The following POLM variants were observed in gnomAD, a reference collection of about 807,000 sequenced individuals.
POLM encodes DNA polymerase mu.
A neutral mutation model predicts 56.7 loss-of-function variants in POLM; 52 were observed. The observed-to-expected ratio is 0.92, with a 90% CI of 0.73 to 1.15. The LOEUF (loss-of-function observed/expected upper bound fraction) is 1.15. Ranked by LOEUF, POLM falls within the 50% of genes most tolerant of loss-of-function variation. The probability of loss-of-function intolerance (pLI) is 0.00; values close to 1 mark genes in which losing one functional copy is unlikely to be tolerated. For synonymous variants in POLM, 273 were observed against 274.3 expected (o/e 1.00, Z 0.05); for missense variants, 660 against 663.6 (o/e 0.99, Z 0.06).
At chr7:44,081,605 C>T (rs545356790) in intron 1 of POLM, among the ~76,000 whole-genome samples, 22 of 152,308 alleles carry the variant, frequency 1.4e-4, no homozygotes, top group African/African-American at 5.1e-4. Context: ...TCTTGGTTCC[C>T]TTCCTACAAG....
At position 44,079,591 on chromosome 7, in the gene POLM, G is replaced by A. The variant is rs2096193633; in HGVS notation, c.622C>T (p.His208Tyr). 2 of 1,613,432 alleles carry A rather than the reference G, an allele frequency of 1.2e-6. No individual in the cohort carries two copies. Among genetic ancestry groups the A allele is most frequent in the Admixed American group, 1.7e-5 (1 of 59,982 alleles). ...QLQGLPHFGE[H>Y]SSRVVQELLE... ...CCTACCTGGACAACCCTAGAGGAGT[G>A]TTCTCCAAAGTGGGGAAGCCCCTGC... The change falls in exon 4 of 11, where the codon CAC (histidine) becomes TAC (tyrosine). Residue 208 changes from histidine (H) to tyrosine (Y), a missense_variant. By Grantham distance (83) the His-to-Tyr change is moderately conservative. Transcript: ENST00000242248.
At chr7:44,078,649 C>T in intron 5 of POLM, 91 bp downstream of exon 5, 1 of 1,197,554 alleles carries the variant, frequency 8.4e-7, no homozygotes, top group South Asian at 1.2e-5. Flanking sequence ...GGTCAGCTGC[C>T]CCTGTTTGCC....
chr7:44,076,368 G>T, intron 6 of POLM, 141 bp downstream of exon 6: 3 of 995,270 alleles, frequency 3.0e-6, no homozygotes, highest in Non-Finnish European at 4.4e-6. Flanking sequence ...GCACTGGGTG[G>T]AGACCCCAGG....
At chr7:44,078,481 C>T in intron 5 of POLM, 1 of 501,710 alleles carries the variant, frequency 2.0e-6, no homozygotes. Context: ...CAAAATAAAA[C>T]AAAAAGCCCC....
chr7:44,079,529 C>T, intron 4 of POLM, 42 bp downstream of exon 4: 3 of 1,392,044 alleles, frequency 2.2e-6, no homozygotes, highest in East Asian at 4.9e-5. Context: ...CCCAAGGCCT[C>T]CCCACCCACC....
chr7:44,077,344 C>T (rs2096186602), intron 5 of POLM, among the ~76,000 whole-genome samples: 1 of 152,218 alleles, frequency 6.6e-6, no homozygotes, highest in South Asian at 2.1e-4. Flanking sequence ...CTGGTGATAC[C>T]CAGGTCGCTG....
intron 6 of POLM, chr7:44,075,867 T>G (rs981215289): frequency 6.6e-6 from 1 of 152,116 alleles, no homozygotes; most frequent in Non-Finnish European, 1.5e-5. Context: ...GCCTCATGAG[T>G]AGCTGGTACT....
chr7:44,081,935 C>G (rs1355515016), intron 1 of POLM, among the ~76,000 whole-genome samples: 1 of 151,888 alleles, frequency 6.6e-6, no homozygotes, highest in Non-Finnish European at 1.5e-5. Context: ...TTAGTAGAGA[C>G]GGGGTTTCAC....
chr7:44,073,176 TGGC>T lies in POLM; in HGVS notation c.*112_*114del. ...ATTGACCTCCGGAAGAGCCAGGCCTTGGCGGGGAGGGGTGAAGGTGGGGGTCAG... is the reference window on the plus strand; with the variant it reads ...ATTGACCTCCGGAAGAGCCAGGCCTTGGGGAGGGGTGAAGGTGGGGGTCAG... On this transcript the variant is annotated 3_prime_UTR_variant, in exon 11 of 11. Transcript: ENST00000242248. 6.4e-7 allele frequency: 1 copy of T among 1,573,680 alleles called. No homozygotes were observed. Among genetic ancestry groups the T allele is most frequent in the South Asian group, 1.2e-5 (1 of 86,662 alleles).
chr7:44,082,142 G>A, intron 1 of POLM, 109 bp downstream of exon 1: 1 of 907,092 alleles, frequency 1.1e-6, no homozygotes, highest in Non-Finnish European at 1.6e-6. Context: ...TACAGAAGAG[G>A]AGATGGAGGC....
chr7:44,073,028 G>T lies in POLM; in HGVS notation c.*263C>A. 1 of 1,292,132 alleles carries T rather than the reference G, an allele frequency of 7.7e-7. No individual in the cohort carries two copies. Among genetic ancestry groups the T allele is most frequent in the Non-Finnish European group, 1.0e-6 (1 of 973,220 alleles). The allele number at this position is 1,292,132 out of a possible 1,614,324, so 80.0% of individuals were successfully genotyped here. A position where few individuals can be genotyped will look rare whatever the true frequency, so the allele number is the denominator to read the frequency against. On this transcript the variant is annotated 3_prime_UTR_variant, in exon 11 of 11. Coordinates refer to ENST00000242248, the MANE Select transcript of POLM (RefSeq NM_013284.4). ...CTCACATCCCATCCAGGGCAGGAAC[G>T]TGAGCCATGGGGAGGCTAAGAGCAG...
At position 44,076,495 on chromosome 7, in the gene POLM, T is replaced by C. The variant is rs1367765625; in HGVS notation, c.835+14A>G. 6.2e-7 allele frequency: 1 copy of C among 1,613,458 alleles called. No homozygotes were observed. Among genetic ancestry groups the C allele is most frequent in the East Asian group, 2.2e-5 (1 of 44,838 alleles). Reference sequence around the variant, plus strand: ...TTAGGGAAGCCCAGGGCCCAGCCTCTCTGGAGGGCTCACCCGCTTTCTGCT... The same window carrying C: ...TTAGGGAAGCCCAGGGCCCAGCCTCCCTGGAGGGCTCACCCGCTTTCTGCT... On this transcript the variant is annotated intron_variant, in intron 6 of 10. Coordinates refer to ENST00000242248, the MANE Select transcript of POLM (RefSeq NM_013284.4).
At chr7:44,081,007 C>A in intron 1 of POLM, 91 bp from the exon 2 acceptor site, 1 of 1,102,288 alleles carries the variant, frequency 9.1e-7, no homozygotes. Flanking sequence ...GTCCCTTCTG[C>A]ATGGTAAGTG....
In POLM at chr7:44,081,744, C is replaced by CTTT. The variant is rs1183469734; in HGVS notation, c.188+504_188+506dup. 9.6e-3 allele frequency among the ~76,000 whole-genome samples: 1,205 copies of CTTT among 125,346 alleles called. 65 individuals carry two copies. Among genetic ancestry groups the CTTT allele is most frequent in the African/African-American group, 0.032 (1,033 of 31,888 alleles). The allele number at this position is 125,346 out of a possible 152,430, so 82.2% of individuals were successfully genotyped here. On this transcript the variant is annotated intron_variant, in intron 1 of 10. Coordinates refer to ENST00000242248, the MANE Select transcript of POLM (RefSeq NM_013284.4). The stretch of plus-strand genomic sequence containing the variant: ...GCAGAAGGGCTGTTAGCAAATACGA[C>CTTT]TTTTTTTTTTTTTTTTTTTGAGACA...
In POLM at chr7:44,082,527, G is replaced by T. The variant is rs2096203474; in HGVS notation, c.-89C>A. 1 of 589,756 alleles carries T rather than the reference G, an allele frequency of 1.7e-6. No individual in the cohort carries two copies. The highest frequency in any genetic ancestry group is 2.6e-6 in the Non-Finnish European group (1 of 380,262). The allele number at this position is 589,756 out of a possible 1,614,324, so 36.5% of individuals were successfully genotyped here. A position where few individuals can be genotyped will look rare whatever the true frequency, so the allele number is the denominator to read the frequency against. ...AAGCCCCAGTGAGGCTGACGGAAGC[G>T]GGTGGGCGGGCGGGCGGCCGCCGGC... On this transcript the variant is annotated 5_prime_UTR_variant, in exon 1 of 11. Coordinates refer to ENST00000242248, the MANE Select transcript of POLM (RefSeq NM_013284.4).
intron 4 of POLM, 42 bp downstream of exon 4, chr7:44,079,529 C>A: frequency 3.3e-5 from 46 of 1,391,934 alleles, no homozygotes; most frequent in Non-Finnish European, 3.8e-5. Context: ...CCCAAGGCCT[C>A]CCCACCCACC....
In POLM at chr7:44,082,459, G is replaced by C; in HGVS notation, c.-21C>G. On this transcript the variant is annotated 5_prime_UTR_variant, in exon 1 of 11. Coordinates refer to ENST00000242248, the MANE Select transcript of POLM (RefSeq NM_013284.4). ...AGCATTGGGACGACAGCCTCCAGCA[G>C]CGCGGAGCGAACGCAGAGGGAAACT... 3 of 1,356,824 alleles carry C rather than the reference G, an allele frequency of 2.2e-6. No individual in the cohort carries two copies. Among genetic ancestry groups the C allele is most frequent in the Admixed American group, 4.0e-5 (1 of 25,308 alleles). 84.0% of individuals were successfully genotyped at this position (1,356,824 alleles called of 1,614,324 possible).
At chr7:44,080,053 C>G in intron 2 of POLM, 94 bp from the exon 3 acceptor site, 1 of 874,146 alleles carries the variant, frequency 1.1e-6, no homozygotes, top group Non-Finnish European at 1.9e-6. Flanking sequence ...GGGTGTCCAA[C>G]TCGGGCCCTC....
At chr7:44,077,088 T>C (rs1232288152) in intron 5 of POLM, 1 of 154,724 alleles carries the variant, frequency 6.5e-6, no homozygotes, top group Non-Finnish European at 1.4e-5. Flanking sequence ...GCTGGGGTGC[T>C]CACATATCTT....
Sources: gnomAD v4.1 joint callset for allele counts (sites outside exome capture counted in the v4.1 genomes callset) on GRCh38, gnomAD v4.1.1 for gene constraint, MANE v1.5 for transcripts, NCBI Gene and HGNC (gene_info 2026-07-23, HGNC 2026-07-21) for gene names.